Variants in FLNB observed in about 807,000 individuals in gnomAD.
FLNB encodes the protein filamin B, also known as filamin-B.
A neutral mutation model predicts 250.6 loss-of-function variants in FLNB; 111 were observed. The ratio of observed to expected loss-of-function variants is 0.44; its 90% confidence interval spans 0.38 to 0.52. The LOEUF (loss-of-function observed/expected upper bound fraction) is 0.52, where lower values mean the gene tolerates loss of function less well. FLNB is among the 20% of genes least tolerant of loss of function. The pLI, the probability that FLNB is intolerant of heterozygous loss-of-function variation, is 0.00. For synonymous variants in FLNB, 1,302 were observed against 1,372.1 expected (o/e 0.95, Z 1.13); for missense variants, 2,869 against 3,447.8 (o/e 0.83, Z 4.20).
Position 58,121,259 on chromosome 3 carries a change from A to G in FLNB, c.2882A>G (p.Asp961Gly). 1 of 1,614,116 alleles carries G rather than the reference A, an allele frequency of 6.2e-7. No individual in the cohort carries two copies. The highest frequency in any genetic ancestry group is 8.5e-7 in the Non-Finnish European group (1 of 1,180,020). ...GLENRVEVGKDQEFTVDTRGA... is the reference protein window; with the variant it reads ...GLENRVEVGKGQEFTVDTRGA... Reference sequence around the variant, plus strand: ...TTTCCAGGGGTGGAAGTTGGGAAGGATCAGGAGTTCACCGTTGATACCAGG... The same window carrying G: ...TTTCCAGGGGTGGAAGTTGGGAAGGGTCAGGAGTTCACCGTTGATACCAGG... The change falls in exon 20 of 46, where the codon GAT becomes GGT. Residue 961 changes from aspartate to glycine, a missense_variant. Coordinates refer to ENST00000295956, the MANE Select transcript of FLNB (RefSeq NM_001457.4).
chr3:58,061,103 A>G (rs1287601034), intron 1 of FLNB, among the ~76,000 whole-genome samples: 2 of 152,168 alleles, frequency 1.3e-5, no homozygotes, highest in Admixed American at 1.3e-4. Context: ...CGATTTAAAC[A>G]AACAGGTGAA....
intron 3 of FLNB, among the ~76,000 whole-genome samples, chr3:58,081,070 C>T (rs1015257129): frequency 4.6e-5 from 7 of 152,118 alleles, no homozygotes; most frequent in African/African-American, 1.7e-4. Flanking sequence ...GATGGGATTA[C>T]AGTCATGAGC....
At chr3:58,065,812 C>T (rs934149926) in intron 1 of FLNB, among the ~76,000 whole-genome samples, 2 of 152,226 alleles carry the variant, frequency 1.3e-5, no homozygotes, top group African/African-American at 4.8e-5. Flanking sequence ...GAGGTGGCCT[C>T]ACCACATGAC....
At chr3:58,168,680 A>C in intron 44 of FLNB, 22 bp downstream of exon 44, 3 of 1,544,640 alleles carry the variant, frequency 1.9e-6, no homozygotes, top group Non-Finnish European at 2.7e-6. Flanking sequence ...CCACCTTCGG[A>C]GTTACTCTCC....
rs9809281 is a variant in FLNB, at chr3:58,147,081, G to A, written c.5728+88G>A. The A allele has an allele frequency of 0.24, 329,255 of 1,359,966 alleles. 42,559 individuals are homozygous for A. Among genetic ancestry groups the A allele is most frequent in the Middle Eastern group, 0.35 (1,387 of 3,968 alleles). 84.2% of individuals were successfully genotyped at this position (1,359,966 alleles called of 1,614,324 possible). On this transcript the variant is annotated intron_variant, in intron 34 of 45. Coordinates refer to ENST00000295956, the MANE Select transcript of FLNB (RefSeq NM_001457.4). ...CTCCTTATCAGACCCCTGGCAGCAGGCTAGACGTCTCTTTGAGTTTAGGTT... is the reference window on the plus strand; with the variant it reads ...CTCCTTATCAGACCCCTGGCAGCAGACTAGACGTCTCTTTGAGTTTAGGTT...
intron 1 of FLNB, among the ~76,000 whole-genome samples, chr3:58,074,589 T>G (rs2097199070): frequency 6.6e-6 from 1 of 152,202 alleles, no homozygotes; most frequent in Non-Finnish European, 1.5e-5. Flanking sequence ...AAAGCAATTC[T>G]TGAGCTAAAT....
At position 58,073,149 on chromosome 3, in the gene FLNB, CTATTTATTTATT is replaced by C. The variant is rs55987295; in HGVS notation, c.293-3878_293-3867del. ...CACCATTACCCTGACAGTATACCCA[CTATTTATTTATT>C]TATTTATTTATTTATTTACTTATTT... On this transcript the variant is annotated intron_variant, in intron 1 of 45. Coordinates refer to ENST00000295956, the MANE Select transcript of FLNB (RefSeq NM_001457.4). 3.0e-3 allele frequency among the ~76,000 whole-genome samples: 430 copies of C among 145,728 alleles called. 5 individuals are homozygous for C. The highest frequency in any genetic ancestry group is 0.01 in the African/African-American group (403 of 39,700).
chr3:58,149,715 C>A, intron 36 of FLNB, 135 bp from the exon 37 acceptor site: 1 of 1,141,222 alleles, frequency 8.8e-7, no homozygotes, highest in Non-Finnish European at 1.3e-6. Flanking sequence ...GCTTTGCAAA[C>A]GAGGCCGCCA....
rs114334276 is a variant in FLNB at position 58,160,377 on chromosome 3, G to C, written c.7021+691G>C. Among the ~76,000 whole-genome samples the C allele has an allele frequency of 2.3e-3, 346 of 152,246 alleles. 3 individuals carry two copies. Among genetic ancestry groups the C allele is most frequent in the African/African-American group, 7.6e-3 (317 of 41,554 alleles). Reference sequence around the variant, plus strand: ...TCAACTTTAAAGAGACAGTGTTACCGGTGAACATAATAAATTTATTAAGTG... The same window carrying C: ...TCAACTTTAAAGAGACAGTGTTACCCGTGAACATAATAAATTTATTAAGTG... On this transcript the variant is annotated intron_variant, in intron 42 of 45. Transcript: ENST00000295956.
chr3:58,144,591 A>G (rs1173097514), intron 32 of FLNB, among the ~76,000 whole-genome samples: 1 of 152,160 alleles, frequency 6.6e-6, no homozygotes, highest in African/African-American at 2.4e-5. Flanking sequence ...CCTCACACTC[A>G]CAAAGATGTA....
intron 19 of FLNB, among the ~76,000 whole-genome samples, chr3:58,119,686 T>C (rs116192975): frequency 1.7e-3 from 253 of 152,298 alleles, no homozygotes; most frequent in Middle Eastern, 3.4e-3. Flanking sequence ...CAAGTAAAAA[T>C]ATATCCATTT....
chr3:58,161,636 G>T (rs1238232274), intron 42 of FLNB, among the ~76,000 whole-genome samples: 2 of 152,232 alleles, frequency 1.3e-5, no homozygotes, highest in African/African-American at 4.8e-5. Context: ...GGCCCAGTAA[G>T]TTGCATAACT....
chr3:58,044,717 G>T (rs530664442), intron 1 of FLNB, among the ~76,000 whole-genome samples: 4 of 152,314 alleles, frequency 2.6e-5, no homozygotes, highest in Non-Finnish European at 4.4e-5. Flanking sequence ...GCCCAGCTAC[G>T]TGGATGGCTG....
intron 1 of FLNB, among the ~76,000 whole-genome samples, chr3:58,049,580 AG>A (rs1203797395): frequency 6.6e-6 from 1 of 152,214 alleles, no homozygotes; most frequent in African/African-American, 2.4e-5. Context: ...GGAGTTTCAC[AG>A]GTAGGGTGTG....
At chr3:58,133,659 CA>C (rs199648160) in intron 26 of FLNB, among the ~76,000 whole-genome samples, 27 of 150,162 alleles carry the variant, frequency 1.8e-4, no homozygotes, top group African/African-American at 4.4e-4. Context: ...GATATTAATA[CA>C]AAAAAAAATG....
intron 24 of FLNB, among the ~76,000 whole-genome samples, chr3:58,128,475 G>C (rs2097301449): frequency 6.6e-6 from 1 of 152,184 alleles, no homozygotes; most frequent in Non-Finnish European, 1.5e-5. Flanking sequence ...CCCTCAGGGA[G>C]CTTACTGTCT....
At chr3:58,064,164 A>G (rs4681782) in intron 1 of FLNB, among the ~76,000 whole-genome samples, 84,190 of 152,018 alleles carry the variant, frequency 0.55, 26,593 homozygotes, top group African/African-American at 0.87. Flanking sequence ...TTTTGAGACG[A>G]AGTTTCACTC....
At position 58,110,136 on chromosome 3, in the gene FLNB, G is replaced by A. The variant is rs1456146699; in HGVS notation, c.2450G>A (p.Gly817Glu). Residue 817 changes from glycine to glutamate, a missense_variant, in exon 16 of 46, where the codon GGG becomes GAG. Gly to Glu is a moderately conservative substitution (Grantham distance 98, BLOSUM62 -2). Coordinates refer to ENST00000295956, the MANE Select transcript of FLNB (RefSeq NM_001457.4). ...FTVKYVPPAA[G>E]RYTIKVLFAS... Reference sequence around the variant, plus strand: ...GTCAAATATGTGCCTCCTGCTGCTGGGCGATACACTATCAAAGTTCTCTTT... The same window carrying A: ...GTCAAATATGTGCCTCCTGCTGCTGAGCGATACACTATCAAAGTTCTCTTT... 5 of 1,614,170 alleles carry A rather than the reference G, an allele frequency of 3.1e-6. No individual in the cohort carries two copies. The Admixed American group carries it at 6.7e-5, about 22-fold the overall frequency.
chr3:58,039,850 A>C (rs757830330), intron 1 of FLNB, among the ~76,000 whole-genome samples: 2 of 152,178 alleles, frequency 1.3e-5, no homozygotes, highest in African/African-American at 2.4e-5. Flanking sequence ...AGAGATGCGC[A>C]AAACTAAGCC....
Sources: allele counts gnomAD v4.1 joint callset (sites outside exome capture counted in the v4.1 genomes callset), GRCh38; gene constraint gnomAD v4.1.1; transcripts MANE v1.5; gene names NCBI Gene and HGNC (gene_info 2026-07-23, HGNC 2026-07-21).